The following DMD variants were observed in gnomAD, a reference collection of about 807,000 sequenced individuals.
DMD encodes the protein dystrophin, also known as mutant dystrophin.
Under a neutral mutation model 330.1 loss-of-function variants are expected in DMD, and 63 were observed. The ratio of observed to expected loss-of-function variants is 0.19; its 90% confidence interval spans 0.16 to 0.24. The LOEUF (loss-of-function observed/expected upper bound fraction) is 0.24. Ranked by LOEUF, DMD falls within the 10% of genes least tolerant of loss-of-function variation. The pLI is 1.00. For synonymous variants in DMD, 1,223 were observed against 959.8 expected, an observed-to-expected ratio of 1.27 and a Z score of -5.07; for missense variants, 3,344 against 2,684.1, an observed-to-expected ratio of 1.25 and a Z score of -5.43.
intron 44 of DMD, among the ~76,000 whole-genome samples, chrX:32,102,605 G>T (rs2148115228): frequency 9.0e-6 from 1 of 111,144 alleles, no homozygotes; most frequent in East Asian, 2.8e-4. Flanking sequence ...AATATGACAT[G>T]AATTTAGAAT....
At chrX:32,791,680 CAAACAAAAAA>C (rs771713316) in intron 7 of DMD, among the ~76,000 whole-genome samples, 2 of 111,666 alleles carry the variant, frequency 1.8e-5, no homozygotes, top group Admixed American at 1.9e-4. Context: ...ATAACCTACT[CAAACAAAAAA>C]TAACAAAAAA....
At chrX:32,445,300 ATG>A (rs2098298779) in intron 27 of DMD, among the ~76,000 whole-genome samples, 1 of 110,544 alleles carries the variant, frequency 9.0e-6, no homozygotes, top group African/African-American at 3.3e-5. Flanking sequence ...GGCATTATAG[ATG>A]TGTGTGGGTT....
intron 50 of DMD, among the ~76,000 whole-genome samples, chrX:31,774,761 T>C (rs951684690): frequency 8.9e-6 from 1 of 111,939 alleles, no homozygotes; most frequent in African/African-American, 3.2e-5. Context: ...TATTTTTTTC[T>C]TTTTATTTCA....
At chrX:32,054,430 G>A (rs1019188842) in intron 44 of DMD, among the ~76,000 whole-genome samples, 6 of 101,404 alleles carry the variant, frequency 5.9e-5, no homozygotes, top group African/African-American at 2.2e-4. Flanking sequence ...ACCTATGAGT[G>A]AGAACATGCG....
chrX:32,295,768 C>T (rs749668856), intron 42 of DMD, among the ~76,000 whole-genome samples: 1 of 112,018 alleles, frequency 8.9e-6, no homozygotes, highest in East Asian at 2.8e-4. Context: ...ATGCTCCATT[C>T]TTTATCATAA....
intron 6 of DMD, among the ~76,000 whole-genome samples, chrX:32,812,513 G>A (rs750266173): frequency 2.7e-5 from 3 of 111,585 alleles, no homozygotes; most frequent in African/African-American, 9.8e-5. Context: ...CGTGCCTATA[G>A]TCCCAGCTAC....
At chrX:33,337,250 C>T (rs2054268489) in intron 1 of DMD, among the ~76,000 whole-genome samples, 1 of 111,556 alleles carries the variant, frequency 9.0e-6, no homozygotes, top group Admixed American at 9.6e-5. Context: ...ACTAAAGATG[C>T]AGTGTAAAAG....
intron 44 of DMD, among the ~76,000 whole-genome samples, chrX:31,980,456 T>A (rs2150251980): frequency 8.9e-6 from 1 of 112,062 alleles, no homozygotes; most frequent in South Asian, 3.7e-4. Context: ...TTTATACAAA[T>A]TTTTAAAAAG....
intron 43 of DMD, among the ~76,000 whole-genome samples, chrX:32,252,955 AAT>A (rs994594700): frequency 4.4e-5 from 4 of 90,896 alleles, no homozygotes; most frequent in East Asian, 6.5e-4. Context: ...AATATATATA[AAT>A]ATATATATGT....
chrX:32,954,334 C>T (rs1297851608), intron 2 of DMD, among the ~76,000 whole-genome samples: 2 of 111,528 alleles, frequency 1.8e-5, no homozygotes, highest in Non-Finnish European at 3.8e-5. Context: ...ACCCAGAAGC[C>T]CAATATGAAA....
intron 1 of DMD, among the ~76,000 whole-genome samples, chrX:33,334,830 G>A (rs1480273366): frequency 2.7e-5 from 3 of 111,196 alleles, no homozygotes; most frequent in Non-Finnish European, 5.7e-5. Context: ...CAGATTCTTA[G>A]TTAAAAATTA....
intron 30 of DMD, among the ~76,000 whole-genome samples, chrX:32,409,370 G>C (rs956702258): frequency 9.0e-6 from 1 of 111,435 alleles, no homozygotes; most frequent in African/African-American, 3.3e-5. Flanking sequence ...TCTGTGTTCT[G>C]CTGTTTACTA....
At chrX:32,105,088 T>C (rs752927389) in intron 44 of DMD, among the ~76,000 whole-genome samples, 17 of 111,975 alleles carry the variant, frequency 1.5e-4, no homozygotes, top group Non-Finnish European at 2.8e-4. Context: ...GGAAACACTG[T>C]TTACGCATCA....
rs560064782 is a variant in DMD at position 32,434,405 on chromosome X, G to C, written c.4071+3836C>G. On this transcript the variant is annotated intron_variant, in intron 29 of 78. Transcript: ENST00000357033. ...AGCCTGGGCTTCAGGGAGAGACTCT[G>C]TCTCAAAAAAATAAAATAAAATAAA... Among the ~76,000 whole-genome samples, 26 of 111,293 alleles carry C rather than the reference G, an allele frequency of 2.3e-4. No individual in the cohort carries two copies. The South Asian group carries it at 9.4e-3, about 40-fold the overall frequency.
intron 26 of DMD, 85 bp downstream of exon 26, chrX:32,454,577 G>A (rs1224273317): frequency 5.3e-5 from 41 of 779,138 alleles, no homozygotes; most frequent in Non-Finnish European, 7.4e-5. Context: ...AGAGCAGACT[G>A]TATACAACTT....
rs757441084 is a variant in DMD, at chrX:31,247,622, C to A, written c.9286+13333G>T. On this transcript the variant is annotated intron_variant, in intron 63 of 78. Coordinates refer to ENST00000357033, the MANE Select transcript of DMD (RefSeq NM_004006.3). The stretch of plus-strand genomic sequence containing the variant: ...TCTCAAAAAAAAAAAAAAAAAAAAT[C>A]TCTGGAAGTGATTCTTGATGCCATT... 2.2e-3 allele frequency among the ~76,000 whole-genome samples: 230 copies of A among 104,823 alleles called. 2 individuals carry two copies. Among genetic ancestry groups the A allele is most frequent in the African/African-American group, 7.7e-3 (220 of 28,438 alleles). 91.0% of individuals were successfully genotyped at this position (104,823 alleles called of 115,157 possible).
intron 62 of DMD, among the ~76,000 whole-genome samples, chrX:31,286,992 T>C (rs2053265465): frequency 8.9e-6 from 1 of 112,554 alleles, no homozygotes; most frequent in South Asian, 3.7e-4. Context: ...CTAAACCTCC[T>C]GGGATTAAGC....
intron 17 of DMD, among the ~76,000 whole-genome samples, chrX:32,536,288 A>C (rs895630504): frequency 3.8e-5 from 4 of 106,047 alleles, no homozygotes; most frequent in Non-Finnish European, 7.7e-5. Flanking sequence ...AAAAAAAAAA[A>C]CACACAAATG....
chrX:31,128,457 C>T (rs752974209), intron 77 of DMD, among the ~76,000 whole-genome samples: 3 of 111,896 alleles, frequency 2.7e-5, no homozygotes, highest in East Asian at 5.6e-4. Context: ...TAACTTGTTT[C>T]GGCATGTAAC....
Sources: gnomAD v4.1 joint callset for allele counts (sites outside exome capture counted in the v4.1 genomes callset) on GRCh38, gnomAD v4.1.1 for gene constraint, MANE v1.5 for transcripts, NCBI Gene and HGNC (gene_info 2026-07-23, HGNC 2026-07-21) for gene names.